The following ADGRL3 variants were observed in gnomAD, a reference collection of about 807,000 sequenced individuals.
ADGRL3 encodes the protein calcium-independent alpha-latrotoxin receptor 3.
A neutral mutation model predicts 153.5 loss-of-function variants in ADGRL3; 62 were observed. The observed-to-expected ratio is 0.40, with a 90% CI of 0.33 to 0.50. The LOEUF (loss-of-function observed/expected upper bound fraction) is 0.50. Ranked by LOEUF, ADGRL3 falls within the 20% of genes least tolerant of loss-of-function variation. The probability of loss-of-function intolerance (pLI) is 0.47; values close to 1 mark genes in which losing one functional copy is unlikely to be tolerated. For synonymous variants in ADGRL3, 710 were observed against 672.5 expected (o/e 1.06, Z -0.86); for missense variants, 1,641 against 1,859.4 (o/e 0.88, Z 2.16).
intron 9 of ADGRL3, among the ~76,000 whole-genome samples, chr4:61,846,695 T>G (rs868502444): frequency 1.3e-5 from 2 of 152,030 alleles, no homozygotes; most frequent in African/African-American, 4.8e-5. Flanking sequence ...TTTAATTGGC[T>G]CACAATTCTG....
rs2098712399 is a variant in ADGRL3 at position 61,909,585 on chromosome 4, A to G, written c.1913A>G (p.Asn638Ser). 1.2e-6 allele frequency: 2 copies of G among 1,613,168 alleles called. No individual in the cohort carries two copies. The highest frequency in any genetic ancestry group is 1.7e-5 in the Admixed American group (1 of 59,922). Residue 638 changes from asparagine to serine, a missense_variant, in exon 12 of 27, where the codon AAC becomes AGC. By Grantham distance (46) the Asn-to-Ser change is conservative (BLOSUM62 1). Coordinates refer to ENST00000683033, the MANE Select transcript of ADGRL3 (RefSeq NM_001387552.1). ...TTGAAATCTGGTGAAACAGCTGCCA[A>G]CATTGCTAGAGAGCTGGCTGAACAG... is the stretch of plus-strand genomic sequence containing the variant. Reference protein sequence around the residue: ...QKLKSGETAANIARELAEQTR... With the variant: ...QKLKSGETAASIARELAEQTR...
At chr4:61,297,841 C>T (rs534650688) in intron 1 of ADGRL3, among the ~76,000 whole-genome samples, 8 of 151,726 alleles carry the variant, frequency 5.3e-5, no homozygotes, top group Middle Eastern at 3.4e-3. Flanking sequence ...ACCACCACCA[C>T]CATCATCACC....
intron 6 of ADGRL3, among the ~76,000 whole-genome samples, chr4:61,683,784 AC>A (rs750289184): frequency 1.3e-5 from 2 of 151,884 alleles, no homozygotes; most frequent in East Asian, 1.9e-4. Flanking sequence ...TTCACTGGGG[AC>A]CCACCCCTAT....
intron 9 of ADGRL3, among the ~76,000 whole-genome samples, chr4:61,867,515 C>CAT (rs3065826): frequency 0.54 from 43,689 of 81,080 alleles, 12,585 homozygotes; most frequent in East Asian, 0.73. Flanking sequence ...AATATATATG[C>CAT]ATATATATAT....
At chr4:61,764,333 A>G (rs1019272419) in intron 8 of ADGRL3, among the ~76,000 whole-genome samples, 4 of 151,746 alleles carry the variant, frequency 2.6e-5, no homozygotes, top group African/African-American at 9.7e-5. Context: ...GAAGGGAGAT[A>G]AGGGTGGGGC....
chr4:61,922,058 G>A (rs769192737), intron 13 of ADGRL3, among the ~76,000 whole-genome samples: 2 of 152,148 alleles, frequency 1.3e-5, no homozygotes, highest in African/African-American at 4.8e-5. Flanking sequence ...GACTTAGAAA[G>A]ATAGATGTGA....
chr4:61,657,442 CA>C (rs1337584784), intron 5 of ADGRL3, among the ~76,000 whole-genome samples: 1 of 151,672 alleles, frequency 6.6e-6, no homozygotes, highest in African/African-American at 2.4e-5. Context: ...TTCATATGTT[CA>C]AAATATATTG....
rs891403981 is a variant in ADGRL3 at position 61,828,393 on chromosome 4, A to T, written c.1480+14504A>T. 9.2e-5 allele frequency among the ~76,000 whole-genome samples: 14 copies of T among 152,288 alleles called. No homozygotes were observed. In the East Asian group the frequency reaches 1.4e-3, roughly 15 times the overall value. The stretch of plus-strand genomic sequence containing the variant: ...CTGATTTGCTAAAATAAAAAAATAA[A>T]ATATAAATTAAAAAAAGCGCAGGGT... On this transcript the variant is annotated intron_variant, in intron 9 of 26. Transcript: ENST00000683033.
At chr4:61,946,455 T>C (rs1225731928) in intron 15 of ADGRL3, among the ~76,000 whole-genome samples, 1 of 152,212 alleles carries the variant, frequency 6.6e-6, no homozygotes, top group Non-Finnish European at 1.5e-5. Flanking sequence ...TAATGAATCT[T>C]ATTTTTAAAT....
At chr4:61,611,361 A>G (rs1041342731) in intron 5 of ADGRL3, among the ~76,000 whole-genome samples, 1 of 152,150 alleles carries the variant, frequency 6.6e-6, no homozygotes, top group African/African-American at 2.4e-5. Context: ...GCTGGCCTAT[A>G]TAGTTTCCAG....
intron 5 of ADGRL3, among the ~76,000 whole-genome samples, chr4:61,671,737 T>C (rs1307308398): frequency 2.0e-5 from 3 of 152,132 alleles, no homozygotes; most frequent in African/African-American, 4.8e-5. Flanking sequence ...CAGATCATCA[T>C]AGTACTCTTG....
chr4:61,536,664 G>A (rs2098658437), intron 4 of ADGRL3, among the ~76,000 whole-genome samples: 2 of 151,748 alleles, frequency 1.3e-5, no homozygotes, highest in African/African-American at 4.8e-5. Context: ...TTTTAGTATT[G>A]TTGGTTTAAA....
At chr4:61,915,130 T>G (rs2098739331) in intron 13 of ADGRL3, among the ~76,000 whole-genome samples, 1 of 151,814 alleles carries the variant, frequency 6.6e-6, no homozygotes, top group South Asian at 2.1e-4. Context: ...GAAGATAAAC[T>G]TTTAATTTGC....
At chr4:62,055,733 C>T (rs988134223) in intron 25 of ADGRL3, among the ~76,000 whole-genome samples, 1 of 151,062 alleles carries the variant, frequency 6.6e-6, no homozygotes, top group Non-Finnish European at 1.5e-5. Context: ...TAAAGTAGCC[C>T]GACAAAGTTG....
At chr4:61,228,489 C>CA (rs1748990832) in intron 1 of ADGRL3, among the ~76,000 whole-genome samples, 1 of 152,082 alleles carries the variant, frequency 6.6e-6, no homozygotes, top group South Asian at 2.1e-4. Context: ...TCAGTGTCAT[C>CA]AATCGCAATA....
chr4:61,926,023 G>A (rs906363655), intron 13 of ADGRL3, among the ~76,000 whole-genome samples: 77 of 152,072 alleles, frequency 5.1e-4, no homozygotes, highest in Admixed American at 4.1e-3. Context: ...AGGCTACATG[G>A]TATAGCCTAC....
chr4:61,630,017 A>G (rs17239101), intron 5 of ADGRL3, among the ~76,000 whole-genome samples: 13,988 of 152,132 alleles, frequency 0.092, 770 homozygotes, highest in Admixed American at 0.14. Flanking sequence ...AGTGCGAGCC[A>G]TATGACAGAT....
chr4:61,203,807 G>T (rs1247709672), intron 1 of ADGRL3, among the ~76,000 whole-genome samples: 2 of 152,082 alleles, frequency 1.3e-5, no homozygotes, highest in African/African-American at 4.8e-5. Context: ...AAATAGGATA[G>T]AATTCTCAGC....
chr4:61,267,993 G>C (rs1490084343), intron 1 of ADGRL3, among the ~76,000 whole-genome samples: 2 of 151,530 alleles, frequency 1.3e-5, no homozygotes, highest in African/African-American at 4.8e-5. Flanking sequence ...CAAAATCTTG[G>C]GAAGGAAAAA....
Sources: allele counts gnomAD v4.1 joint callset (sites outside exome capture counted in the v4.1 genomes callset), GRCh38; gene constraint gnomAD v4.1.1; transcripts MANE v1.5; gene names NCBI Gene and HGNC (gene_info 2026-07-23, HGNC 2026-07-21).